UBE2W: variants seen among roughly 807,000 people sequenced by gnomAD.
The protein encoded by UBE2W is ubiquitin-conjugating enzyme E2 W.
Under a neutral mutation model 27.2 loss-of-function variants are expected in UBE2W, and 18 were observed. The observed-to-expected ratio is 0.66, with a 90% CI of 0.46 to 0.98. The LOEUF (loss-of-function observed/expected upper bound fraction) is 0.98. UBE2W is among the 50% of genes least tolerant of loss of function. The pLI is 0.00. For missense variants in UBE2W, 90 were observed against 180.2 expected, an observed-to-expected ratio of 0.50 and a Z score of 2.87; for synonymous variants, 53 against 57.2, an observed-to-expected ratio of 0.93 and a Z score of 0.33.
chr8:73,856,782 T>C (rs1215619043), intron 1 of UBE2W, among the ~76,000 whole-genome samples: 1 of 150,914 alleles, frequency 6.6e-6, no homozygotes, highest in Non-Finnish European at 1.5e-5. Flanking sequence ...CTCGGCTCAC[T>C]GCAGCCTCCG....
chr8:73,872,953 G>A (rs1428338249), intron 1 of UBE2W, among the ~76,000 whole-genome samples: 1 of 147,468 alleles, frequency 6.8e-6, no homozygotes, highest in African/African-American at 2.5e-5. Flanking sequence ...CCAGGCTGGA[G>A]TCCAGTGGCA....
chr8:73,786,209 C>G, downstream of UBE2W: 1 of 985,206 alleles, frequency 1.0e-6, no homozygotes, highest in Non-Finnish European at 1.2e-6. Context: ...ATAAAAAAAG[C>G]CAAAACCAAT....
intron 1 of UBE2W, among the ~76,000 whole-genome samples, chr8:73,835,061 C>CGG (rs1810251030): frequency 6.6e-6 from 1 of 152,066 alleles, no homozygotes; most frequent in Non-Finnish European, 1.5e-5. Flanking sequence ...GAGAACTTTA[C>CGG]TAAGTCAAGA....
chr8:73,846,713 G>A (rs1292981489), intron 1 of UBE2W, among the ~76,000 whole-genome samples: 2 of 152,176 alleles, frequency 1.3e-5, no homozygotes, highest in Admixed American at 1.3e-4. Context: ...AAACAAGACA[G>A]AACGAAATTA....
Position 73,852,430 on chromosome 8 carries a change from G to A in UBE2W, c.16-21958C>T, listed in dbSNP as rs1237271626. ...ACTCCAAATGAAATATTTGTTTTCTGAAAACCTTGACTCAGAATGAAATAA... is the reference window on the plus strand; with the variant it reads ...ACTCCAAATGAAATATTTGTTTTCTAAAAACCTTGACTCAGAATGAAATAA... On this transcript the variant is annotated intron_variant, in intron 1 of 5. Transcript: ENST00000602593. 2.0e-5 allele frequency among the ~76,000 whole-genome samples: 3 copies of A among 152,166 alleles called. No homozygotes were observed. In the East Asian group the frequency reaches 5.8e-4, roughly 29 times the overall value.
intron 1 of UBE2W, among the ~76,000 whole-genome samples, chr8:73,859,743 G>A (rs1811466223): frequency 6.6e-6 from 1 of 152,132 alleles, no homozygotes; most frequent in Non-Finnish European, 1.5e-5. Context: ...AGGGTTAACT[G>A]TAAATTAGAA....
At chr8:73,842,135 A>G (rs1295529577) in intron 1 of UBE2W, among the ~76,000 whole-genome samples, 3 of 152,212 alleles carry the variant, frequency 2.0e-5, no homozygotes, top group African/African-American at 7.2e-5. Context: ...AAAGATACAT[A>G]TAAAATAGCT....
chr8:73,790,179 C>T lies in UBE2W; in HGVS notation c.*3923G>A. On this transcript the variant is annotated 3_prime_UTR_variant, in exon 6 of 6. Coordinates refer to ENST00000602593, the MANE Select transcript of UBE2W (RefSeq NM_018299.6). ...ATCGTCCTTCTGTAGAATCCCTAACCTCAGAAAAAAAAAAGAGAGAATAAA... is the reference window on the plus strand; with the variant it reads ...ATCGTCCTTCTGTAGAATCCCTAACTTCAGAAAAAAAAAAGAGAGAATAAA... 1.0e-6 allele frequency: 1 copy of T among 983,528 alleles called. No individual in the cohort carries two copies. The highest frequency in any genetic ancestry group is 4.7e-5 in the South Asian group (1 of 21,230). 60.9% of individuals were successfully genotyped at this position (983,528 alleles called of 1,614,324 possible).
intron 1 of UBE2W, among the ~76,000 whole-genome samples, chr8:73,858,360 C>CAAAAAAAAAAAA (rs10538314): frequency 1.1e-5 from 1 of 90,346 alleles, no homozygotes; most frequent in African/African-American, 3.8e-5. Context: ...GACTTCATCT[C>CAAAAAAAAAAAA]AAAAAAAAAA....
chr8:73,847,654 C>A (rs1456090276), intron 1 of UBE2W, among the ~76,000 whole-genome samples: 2 of 152,172 alleles, frequency 1.3e-5, no homozygotes, highest in East Asian at 3.9e-4. Context: ...GTAATCCCAG[C>A]ACTTTGGGAG....
chr8:73,794,854 TA>T (rs1289254274), intron 5 of UBE2W, among the ~76,000 whole-genome samples: 92 of 43,946 alleles, frequency 2.1e-3, no homozygotes, highest in African/African-American at 3.0e-3. Flanking sequence ...CTCTGTCTCA[TA>T]AAAAAAAAAA....
intron 1 of UBE2W, among the ~76,000 whole-genome samples, chr8:73,857,372 C>T (rs781460296): frequency 3.3e-5 from 5 of 152,044 alleles, no homozygotes; most frequent in Middle Eastern, 3.2e-3. Context: ...AGAGAACTGA[C>T]CAAAATAAAA....
At chr8:73,797,956 A>G (rs1808488105) in intron 5 of UBE2W, among the ~76,000 whole-genome samples, 1 of 152,206 alleles carries the variant, frequency 6.6e-6, no homozygotes, top group South Asian at 2.1e-4. Context: ...TCATGATGTT[A>G]AACAGTTAAA....
chr8:73,785,787 T>C (rs1807937533), downstream of UBE2W, among the ~76,000 whole-genome samples: 2 of 152,136 alleles, frequency 1.3e-5, no homozygotes, highest in Admixed American at 6.5e-5. Flanking sequence ...GGTTTCACCA[T>C]GTTGGCCAGG....
chr8:73,820,267 C>CA (rs1290202348), intron 3 of UBE2W, among the ~76,000 whole-genome samples: 1 of 152,116 alleles, frequency 6.6e-6, no homozygotes, highest in African/African-American at 2.4e-5. Context: ...AGTCTATAAG[C>CA]ACATCAAGCA....
chr8:73,790,133 A>C lies in UBE2W; in HGVS notation c.*3969T>G. ...GGAGAGCATTTTAAATTTTTCAAAA[A>C]TTCATGGCATAATTTTAATAATCGT... On this transcript the variant is annotated 3_prime_UTR_variant, in exon 6 of 6. Transcript: ENST00000602593. The C allele has an allele frequency of 1.1e-5, 11 of 985,220 alleles. No individual in the cohort carries two copies. The highest frequency in any genetic ancestry group is 1.2e-5 in the Non-Finnish European group (10 of 829,804). The allele number at this position is 985,220 out of a possible 1,614,324, so 61.0% of individuals were successfully genotyped here.
chr8:73,802,790 G>A (rs920569393), intron 5 of UBE2W, among the ~76,000 whole-genome samples: 1 of 152,168 alleles, frequency 6.6e-6, no homozygotes, highest in Non-Finnish European at 1.5e-5. Context: ...TTGGGAGGCC[G>A]AGGTGGGTGG....
intron 5 of UBE2W, among the ~76,000 whole-genome samples, chr8:73,803,889 C>T (rs1383244894): frequency 2.0e-5 from 3 of 151,746 alleles, no homozygotes; most frequent in Non-Finnish European, 2.9e-5. Context: ...GACTCGGCCT[C>T]CCGAGTAACT....
chr8:73,876,555 T>A (rs1184666112), intron 1 of UBE2W, among the ~76,000 whole-genome samples: 1 of 152,184 alleles, frequency 6.6e-6, no homozygotes, highest in East Asian at 1.9e-4. Context: ...GTGATAAGAT[T>A]TCGATGGAAC....
Sources: gnomAD v4.1 joint callset for allele counts (sites outside exome capture counted in the v4.1 genomes callset) on GRCh38, gnomAD v4.1.1 for gene constraint, MANE v1.5 for transcripts, NCBI Gene and HGNC (gene_info 2026-07-23, HGNC 2026-07-21) for gene names.